Variants in PHACTR1 observed in about 807,000 individuals in gnomAD.
The protein encoded by PHACTR1 is RPEL repeat containing 1.
Under a neutral mutation model 69.2 loss-of-function variants are expected in PHACTR1, and 16 were observed. The ratio of observed to expected loss-of-function variants is 0.23; its 90% confidence interval spans 0.16 to 0.35. The LOEUF is 0.35. PHACTR1 is among the 10% of genes least tolerant of loss of function. The pLI is 1.00. For synonymous variants in PHACTR1, 312 were observed against 284.5 expected, an observed-to-expected ratio of 1.10 and a Z score of -0.97; for missense variants, 510 against 734.7, an observed-to-expected ratio of 0.69 and a Z score of 3.54.
At chr6:12,988,790 TCCGCCTTGCTGCCTCCTG>T (rs1276037828) in intron 4 of PHACTR1, among the ~76,000 whole-genome samples, 1 of 152,216 alleles carries the variant, frequency 6.6e-6, no homozygotes, top group Non-Finnish European at 1.5e-5. Context: ...ACTTAACCAG[TCCGCCTTGCTGCCTCCTG>T]CTGTAAAATG....
chr6:12,998,039 T>A (rs557672933), intron 4 of PHACTR1, among the ~76,000 whole-genome samples: 4 of 152,270 alleles, frequency 2.6e-5, no homozygotes, highest in African/African-American at 7.2e-5. Flanking sequence ...GACTTATACA[T>A]AAAAATATAT....
rs377269835 is a variant in PHACTR1, at chr6:13,246,834, G to A, written c.1391+16641G>A. Among the ~76,000 whole-genome samples, 2 of 152,116 alleles carry A rather than the reference G, an allele frequency of 1.3e-5. No individual in the cohort carries two copies. Among genetic ancestry groups the A allele is most frequent in the East Asian group, 1.9e-4 (1 of 5,196 alleles). ...TCTTTGTTTACTGGCAAAACACCTCGAATCTCATGCAAAATGCTAATAGGA... is the reference window on the plus strand; with the variant it reads ...TCTTTGTTTACTGGCAAAACACCTCAAATCTCATGCAAAATGCTAATAGGA... On this transcript the variant is annotated intron_variant, in intron 10 of 14. Coordinates refer to ENST00000332995, the MANE Select transcript of PHACTR1 (RefSeq NM_030948.6). The surrounding 1 kb of genome is among the most constrained non-coding windows in gnomAD (Gnocchi z 4.2).
At chr6:12,909,755 G>C (rs895811238) in intron 4 of PHACTR1, among the ~76,000 whole-genome samples, 1 of 152,168 alleles carries the variant, frequency 6.6e-6, no homozygotes, top group African/African-American at 2.4e-5. Context: ...GAGCATCCTG[G>C]CTGCTGCTGT....
intron 6 of PHACTR1, among the ~76,000 whole-genome samples, chr6:13,167,508 C>T (rs1216524187): frequency 1.3e-5 from 2 of 152,142 alleles, no homozygotes; most frequent in East Asian, 1.9e-4. Flanking sequence ...GGCAGCCTGC[C>T]GTGAGATCAG....
At chr6:13,121,892 G>A (rs1230186162) in intron 5 of PHACTR1, among the ~76,000 whole-genome samples, 3 of 152,184 alleles carry the variant, frequency 2.0e-5, no homozygotes, top group African/African-American at 7.2e-5. Flanking sequence ...GACTTACTGA[G>A]TTCAGAAAAT....
At chr6:13,232,589 T>C (rs751325056) in intron 10 of PHACTR1, among the ~76,000 whole-genome samples, 2 of 152,226 alleles carry the variant, frequency 1.3e-5, no homozygotes, top group African/African-American at 2.4e-5. Flanking sequence ...ATTCTTCCAA[T>C]ATTGAACTGA....
At chr6:13,116,853 C>T (rs965146366) in intron 5 of PHACTR1, among the ~76,000 whole-genome samples, 25 of 152,256 alleles carry the variant, frequency 1.6e-4, no homozygotes, top group African/African-American at 5.5e-4. Flanking sequence ...TTATTATCCT[C>T]GTCAGATGAG....
At chr6:12,761,927 T>TGAAGCCAGCTGC (rs1199224900) in intron 4 of PHACTR1, among the ~76,000 whole-genome samples, 5 of 152,232 alleles carry the variant, frequency 3.3e-5, no homozygotes, top group Non-Finnish European at 7.3e-5. Context: ...CGCACAGCTG[T>TGAAGCCAGCTGC]GAAGCCAGCT....
At chr6:12,789,600 GC>G (rs2127658542) in intron 4 of PHACTR1, among the ~76,000 whole-genome samples, 1 of 151,968 alleles carries the variant, frequency 6.6e-6, no homozygotes, top group Non-Finnish European at 1.5e-5. Flanking sequence ...CACTCAAATG[GC>G]CAACACTCAT....
rs1161324144 is a variant in PHACTR1 at position 12,955,192 on chromosome 6, C to CTTTTTTTTTTTTTT, written c.251-98166_251-98153dup. On this transcript the variant is annotated intron_variant, in intron 4 of 14. Transcript: ENST00000332995. ...ATCTATGGCTCACATTGTATTTCCT[C>CTTTTTTTTTTTTTT]TTTTTTTTTTTTTTTTTTTTGAGAG... Among the ~76,000 whole-genome samples, 464 of 103,242 alleles carry CTTTTTTTTTTTTTT rather than the reference C, an allele frequency of 4.5e-3. 52 individuals are homozygous for CTTTTTTTTTTTTTT. The highest frequency in any genetic ancestry group is 0.013 in the African/African-American group (252 of 19,502). 67.7% of individuals were successfully genotyped at this position (103,242 alleles called of 152,430 possible). A position where few individuals can be genotyped will look rare whatever the true frequency, so the allele number is the denominator to read the frequency against.
chr6:12,937,384 T>C (rs1789575263), intron 4 of PHACTR1, among the ~76,000 whole-genome samples: 2 of 152,106 alleles, frequency 1.3e-5, no homozygotes, highest in East Asian at 3.9e-4. Context: ...AGTTTCACTT[T>C]TGTTGCCCAG....
chr6:12,859,053 C>T (rs2127421697), intron 4 of PHACTR1, among the ~76,000 whole-genome samples: 1 of 152,234 alleles, frequency 6.6e-6, no homozygotes, highest in East Asian at 1.9e-4. Flanking sequence ...AACCTGGCTG[C>T]CTTATTCCAA....
intron 4 of PHACTR1, 148 bp downstream of exon 4, chr6:12,749,938 G>T: frequency 1.3e-6 from 1 of 753,648 alleles, no homozygotes; most frequent in Non-Finnish European, 2.0e-6. Flanking sequence ...CCGGTGCGCA[G>T]AGGGCGTGTG....
At chr6:13,191,932 G>T (rs557488213) in intron 7 of PHACTR1, among the ~76,000 whole-genome samples, 2 of 152,230 alleles carry the variant, frequency 1.3e-5, no homozygotes, top group East Asian at 3.9e-4. Flanking sequence ...TGCATACAAG[G>T]ACTATCTGTT....
chr6:13,004,766 T>C (rs1798577171), intron 4 of PHACTR1, among the ~76,000 whole-genome samples: 1 of 152,148 alleles, frequency 6.6e-6, no homozygotes, highest in Non-Finnish European at 1.5e-5. Flanking sequence ...GGAGAGTGGA[T>C]ATGTCTGGCC....
chr6:12,818,541 C>T (rs1775849043), intron 4 of PHACTR1, among the ~76,000 whole-genome samples: 1 of 152,182 alleles, frequency 6.6e-6, no homozygotes, highest in African/African-American at 2.4e-5. Flanking sequence ...AAGTAGATTT[C>T]ACGTGATGGA....
intron 10 of PHACTR1, among the ~76,000 whole-genome samples, chr6:13,239,775 T>C (rs183618696): frequency 3.3e-5 from 5 of 152,322 alleles, no homozygotes; most frequent in Non-Finnish European, 7.4e-5. Flanking sequence ...CTTGACATCC[T>C]GTTGCTAGGA....
intron 4 of PHACTR1, among the ~76,000 whole-genome samples, chr6:12,905,298 A>G (rs937286156): frequency 6.6e-6 from 1 of 152,230 alleles, no homozygotes; most frequent in African/African-American, 2.4e-5. Flanking sequence ...TTTCAAGGTA[A>G]GATCCATTGG....
At chr6:12,770,193 T>C (rs1398958316) in intron 4 of PHACTR1, among the ~76,000 whole-genome samples, 2 of 152,228 alleles carry the variant, frequency 1.3e-5, no homozygotes, top group Admixed American at 1.3e-4. Flanking sequence ...AGAGTGGGGA[T>C]AGCAAGACTA....
Sources: allele counts gnomAD v4.1 joint callset (sites outside exome capture counted in the v4.1 genomes callset), GRCh38; gene constraint gnomAD v4.1.1; non-coding constraint Gnocchi (gnomAD v3.1); transcripts MANE v1.5; gene names NCBI Gene and HGNC (gene_info 2026-07-23, HGNC 2026-07-21).